SON: variants seen among roughly 807,000 people sequenced by gnomAD.
SON encodes the protein SON DNA and RNA binding protein.
Under a neutral mutation model 173.3 loss-of-function variants are expected in SON, and 4 were observed. That is an observed-to-expected ratio of 0.02 (90% CI 0.01 to 0.05). The LOEUF is 0.05. Among genes scored for constraint, SON ranks in the 10% least tolerant of loss-of-function variants. The pLI is 1.00. For missense variants in SON, 2,626 were observed against 3,055.3 expected (o/e 0.86, Z 3.31); for synonymous variants, 1,190 against 1,105.9 (o/e 1.08, Z -1.51).
Position 33,552,168 on chromosome 21 carries a change from A to G in SON, c.2937A>G (p.Ile979Met), listed in dbSNP as rs1324753918. Residue 979 changes from isoleucine (I) to methionine (M), a missense_variant, in exon 3 of 12, where the codon ATA (isoleucine) becomes ATG (methionine). Physicochemically the swap from Ile to Met is conservative, Grantham distance 10 (BLOSUM62 1). Coordinates refer to ENST00000356577, the MANE Select transcript of SON (RefSeq NM_138927.4). The surrounding 1 kb of genome is among the most constrained non-coding windows in gnomAD (Gnocchi z 5.6). Reference protein sequence around the residue: ...PYRIAPRSYRIAPRPYRLAPR... With the variant: ...PYRIAPRSYRMAPRPYRLAPR... Reference sequence around the variant, plus strand: ...GGATAGCACCCAGGTCCTATAGAATAGCACCCAGGCCATATAGGTTAGCAC... The same window carrying G: ...GGATAGCACCCAGGTCCTATAGAATGGCACCCAGGCCATATAGGTTAGCAC... 10 of 1,614,126 alleles carry G rather than the reference A, an allele frequency of 6.2e-6. No individual in the cohort carries two copies. The highest frequency in any genetic ancestry group is 8.5e-6 in the Non-Finnish European group (10 of 1,180,018).
Position 33,553,400 on chromosome 21 carries a change from C to T in SON, c.4169C>T (p.Thr1390Ile). The T allele has an allele frequency of 3.1e-6, 5 of 1,613,804 alleles. No individual in the cohort carries two copies. Among genetic ancestry groups the T allele is most frequent in the Non-Finnish European group, 4.2e-6 (5 of 1,179,754 alleles). ...ACTGTCCTGGAGCCTTCGGTTGTGA[C>T]TGTCCCGGAGCCTCCTGTTGTGGCT... The part of the protein sequence containing the change: ...TVTVLEPSVV[T>I]VPEPPVVAEP... The change falls in exon 3 of 12, where the codon ACT (threonine) becomes ATT (isoleucine). Residue 1390 changes from threonine (T) to isoleucine (I), a missense_variant. This residue lies in a region of SON where 1,006 missense variants were observed against 895.6 expected (regional missense o/e 1.12). Coordinates refer to ENST00000356577, the MANE Select transcript of SON (RefSeq NM_138927.4).
At chr21:33,546,122 C>G in intron 1 of SON, 91 bp from the exon 2 acceptor site, 1 of 1,025,262 alleles carries the variant, frequency 9.8e-7, no homozygotes, top group Non-Finnish European at 1.4e-6. Context: ...ATCTGACAGT[C>G]AGTACAACAT....
At position 33,550,575 on chromosome 21, in the gene SON, G is replaced by T. The variant is rs536274801; in HGVS notation, c.1344G>T (p.Gln448His). 5.6e-5 allele frequency: 91 copies of T among 1,613,976 alleles called. No homozygotes were observed. The South Asian group carries it at 9.6e-4, about 17-fold the overall frequency. The change falls in exon 3 of 12, where the codon CAG becomes CAT. Residue 448 changes from glutamine (Q) to histidine (H), a missense_variant. Transcript: ENST00000356577. ...LPGPSVTPVP[Q>H]LSQELPGLPA... is the part of the protein sequence containing the mutation. ...GGCCCTCTGTGACACCAGTGCCACA[G>T]TTGTCGCAGGAATTGCCAGGGCTTC...
intron 1 of SON, 67 bp downstream of exon 1, chr21:33,543,236 C>G: frequency 7.2e-7 from 1 of 1,397,506 alleles, no homozygotes. Flanking sequence ...TTCTTTGGCA[C>G]CTTTCTTCGG....
At chr21:33,556,674 A>C (rs1331041883) in intron 3 of SON, among the ~76,000 whole-genome samples, 1 of 150,574 alleles carries the variant, frequency 6.6e-6, no homozygotes, top group African/African-American at 2.5e-5. Flanking sequence ...AGATGGCGCC[A>C]CTGCACTGCA....
chr21:33,550,593 A>C lies in SON; in HGVS notation c.1362A>C (p.Pro454=). Residue 454 remains proline, a synonymous_variant, in exon 3 of 12, where the codon CCA becomes CCC. Transcript: ENST00000356577. ...TPVPQLSQEL[P]GLPAPSMGLE... ...TGCCACAGTTGTCGCAGGAATTGCC[A>C]GGGCTTCCAGCACCATCCATGGGGT... 1 of 1,613,650 alleles carries C rather than the reference A, an allele frequency of 6.2e-7. No homozygotes were observed. The highest frequency in any genetic ancestry group is 8.5e-7 in the Non-Finnish European group (1 of 1,179,898).
intron 8 of SON, 46 bp downstream of exon 8, chr21:33,569,133 AT>A: frequency 8.6e-7 from 1 of 1,166,940 alleles, no homozygotes; most frequent in Admixed American, 1.9e-5. Flanking sequence ...AAAAGTTTAA[AT>A]TTTTTGGAAA....
rs753351666 is a variant in SON, at chr21:33,551,032, A to T, written c.1801A>T (p.Met601Leu). The T allele has an allele frequency of 6.8e-6, 11 of 1,609,896 alleles. No individual in the cohort carries two copies. In the Admixed American group the frequency reaches 8.4e-5, roughly 12 times the overall value. ...TGALELPGPL[M>L]AAGALEFSGQ... ...GGCACTAGAGTTGCCTGGGCCGCTCATGGCAGCTGGGGCACTGGAGTTCTC... is the reference window on the plus strand; with the variant it reads ...GGCACTAGAGTTGCCTGGGCCGCTCTTGGCAGCTGGGGCACTGGAGTTCTC... The change falls in exon 3 of 12, where the codon ATG becomes TTG. Residue 601 changes from methionine (M) to leucine (L), a missense_variant. Transcript: ENST00000356577.
rs2085778381 is a variant in SON, at chr21:33,551,329, T to G, written c.2098T>G (p.Ser700Ala). 1 of 1,613,988 alleles carries G rather than the reference T, an allele frequency of 6.2e-7. No homozygotes were observed. Among genetic ancestry groups the G allele is most frequent in the Admixed American group, 1.7e-5 (1 of 59,996 alleles). ...GCCTACTACATTAGTGGGGGAGACTTCTGTAACAGTAGGAGTGGATCCCTT... is the reference window on the plus strand; with the variant it reads ...GCCTACTACATTAGTGGGGGAGACTGCTGTAACAGTAGGAGTGGATCCCTT... ...ELPTTLVGETSVTVGVDPLMA... is the reference protein window; with the variant it reads ...ELPTTLVGETAVTVGVDPLMA... Residue 700 changes from serine to alanine, a missense_variant, in exon 3 of 12, where the codon TCT becomes GCT. Transcript: ENST00000356577.
chr21:33,560,179 T>G, intron 6 of SON: 4 of 1,573,280 alleles, frequency 2.5e-6, no homozygotes, highest in Non-Finnish European at 3.4e-6. Context: ...GATCCTCAGG[T>G]TCAACACAAG....
chr21:33,543,933 G>A (rs1276846832), intron 1 of SON, among the ~76,000 whole-genome samples: 1 of 152,144 alleles, frequency 6.6e-6, no homozygotes, highest in African/African-American at 2.4e-5. Flanking sequence ...CATAATTTGC[G>A]CTTGGCTTCA....
chr21:33,545,400 T>C (rs1039867224), intron 1 of SON, among the ~76,000 whole-genome samples: 4 of 152,368 alleles, frequency 2.6e-5, no homozygotes, highest in Middle Eastern at 3.4e-3. Context: ...TGGAGCATAA[T>C]TGATGTGTTT....
Position 33,550,337 on chromosome 21 carries a change from C to T in SON, c.1106C>T (p.Ala369Val), listed in dbSNP as rs540447388. 5.5e-5 allele frequency: 89 copies of T among 1,614,136 alleles called. No homozygotes were observed. The highest frequency in any genetic ancestry group is 1.1e-4 in the African/African-American group (8 of 75,052). ...QELPELPKTTALELQESSVAS... is the reference protein window; with the variant it reads ...QELPELPKTTVLELQESSVAS... The stretch of plus-strand genomic sequence containing the variant: ...TTGCCGGAGCTGCCTAAGACCACAG[C>T]GTTGGAGCTGCAGGAGTCGTCGGTG... Residue 369 changes from alanine (A) to valine (V), a missense_variant, in exon 3 of 12, where the codon GCG (alanine) becomes GTG (valine). Ala to Val is a moderately conservative substitution (Grantham distance 64, BLOSUM62 0). Transcript: ENST00000356577.
At chr21:33,560,482 T>C in intron 6 of SON, 1 of 1,014,814 alleles carries the variant, frequency 9.9e-7, no homozygotes, top group Non-Finnish European at 1.2e-6. Context: ...ATCTTAATAA[T>C]GCCAAGTGTC....
chr21:33,569,384 T>C, intron 8 of SON: 1 of 357,940 alleles, frequency 2.8e-6, no homozygotes, highest in Non-Finnish European at 5.5e-6. Flanking sequence ...CAGGTGCTGT[T>C]CAGAATATTC....
At chr21:33,546,166 A>G in intron 1 of SON, 47 bp from the exon 2 acceptor site, 1 of 1,483,142 alleles carries the variant, frequency 6.7e-7, no homozygotes, top group Non-Finnish European at 9.2e-7. Context: ...TTTTTTATTA[A>G]TGGTATGATA....
In SON at chr21:33,561,410, A is replaced by C. The variant is rs565937746; in HGVS notation, c.6657+1635A>C. ...AATCCTAATATGTATGCTTTTAGTAATTTCCTGCAGTTTAAGCATTTAAAA... is the reference window on the plus strand; with the variant it reads ...AATCCTAATATGTATGCTTTTAGTACTTTCCTGCAGTTTAAGCATTTAAAA... On this transcript the variant is annotated intron_variant, in intron 6 of 11. Transcript: ENST00000356577. Among the ~76,000 whole-genome samples the C allele has an allele frequency of 6.5e-4, 99 of 152,156 alleles. 1 individual carries two copies. The highest frequency in any genetic ancestry group is 1.1e-3 in the Non-Finnish European group (78 of 68,018).
Position 33,550,176 on chromosome 21 carries a change from G to A in SON, c.945G>A (p.Glu315=), listed in dbSNP as rs1420231982. Residue 315 remains glutamate (E), a synonymous_variant, in exon 3 of 12, where the codon GAG becomes GAA. Coordinates refer to ENST00000356577, the MANE Select transcript of SON (RefSeq NM_138927.4). ...TGGTATCATCAGAGACACCTACTGA[G>A]GTGTACCCTGAGCCAAGCACATCAA... is the stretch of plus-strand genomic sequence containing the variant. ...TLVVSSETPT[E]VYPEPSTSTT... The A allele has an allele frequency of 6.2e-7, 1 of 1,614,212 alleles. No individual in the cohort carries two copies. Among genetic ancestry groups the A allele is most frequent in the African/African-American group, 1.3e-5 (1 of 75,056 alleles).
intron 8 of SON, chr21:33,569,983 G>A (rs753761705): frequency 6.4e-6 from 1 of 156,020 alleles, no homozygotes; most frequent in Non-Finnish European, 1.4e-5. Context: ...CTCCACCTAC[G>A]GCTGCCTCAT....
Sources: allele counts gnomAD v4.1 joint callset (sites outside exome capture counted in the v4.1 genomes callset), GRCh38; gene constraint gnomAD v4.1.1; regional missense constraint gnomAD v4.1.1; non-coding constraint Gnocchi (gnomAD v3.1); transcripts MANE v1.5; gene names NCBI Gene and HGNC (gene_info 2026-07-23, HGNC 2026-07-21).